Variants in ARK2N observed in about 807,000 individuals in gnomAD.
ARK2N encodes the protein arkadia (RNF111) N-terminal like PKA signaling regulator 2N, also known as protein ARK2N.
chr18:46,195,911 A>G, the ARK2N span, among the ~76,000 whole-genome samples: 1 of 151,492 alleles, frequency 6.6e-6, no homozygotes, highest in East Asian at 1.9e-4. Context: ...CCATTATACC[A>G]TTGTCATCTG....
chr18:46,228,795 G>T, the ARK2N span: 4 of 398,376 alleles, frequency 1.0e-5, no homozygotes, highest in African/African-American at 2.1e-5. Context: ...GGCCTCAGAC[G>T]CCTGGGCTTA....
At chr18:46,202,504 A>G in the ARK2N span, among the ~76,000 whole-genome samples, 1 of 152,168 alleles carries the variant, frequency 6.6e-6, no homozygotes, top group African/African-American at 2.4e-5. Context: ...GAAGGAAGAG[A>G]CTATATTTGT....
the ARK2N span, among the ~76,000 whole-genome samples, chr18:46,260,335 A>G: frequency 6.6e-6 from 1 of 152,178 alleles, no homozygotes; most frequent in African/African-American, 2.4e-5. Flanking sequence ...ATGTACAACT[A>G]TTAATAATTA....
chr18:46,210,947 G>A, the ARK2N span, among the ~76,000 whole-genome samples: 1 of 151,696 alleles, frequency 6.6e-6, no homozygotes, highest in East Asian at 1.9e-4. Context: ...TGGTGGATGG[G>A]AAAAGGACCT....
the ARK2N span, among the ~76,000 whole-genome samples, chr18:46,245,454 G>T: frequency 3.3e-5 from 5 of 151,480 alleles, no homozygotes; most frequent in Non-Finnish European, 5.9e-5. Flanking sequence ...TCCTGTAGTC[G>T]CAGCTACTTG....
the ARK2N span, among the ~76,000 whole-genome samples, chr18:46,245,553 A>C: frequency 6.7e-6 from 1 of 148,864 alleles, no homozygotes; most frequent in East Asian, 1.9e-4. Context: ...CCTGGGTGAC[A>C]GAGTGAGACT....
At chr18:46,193,032 G>A in the ARK2N span, among the ~76,000 whole-genome samples, 1 of 151,814 alleles carries the variant, frequency 6.6e-6, no homozygotes, top group African/African-American at 2.4e-5. Flanking sequence ...TGGGCATGGT[G>A]GCACGTTCCT....
chr18:46,198,811 T>C, the ARK2N span, among the ~76,000 whole-genome samples: 4 of 151,750 alleles, frequency 2.6e-5, no homozygotes, highest in Non-Finnish European at 4.4e-5. Context: ...GTTGGCCAGG[T>C]TGGTCTCGAA....
At chr18:46,258,610 G>C in the ARK2N span, among the ~76,000 whole-genome samples, 3 of 152,144 alleles carry the variant, frequency 2.0e-5, no homozygotes, top group Non-Finnish European at 4.4e-5. Flanking sequence ...AAAATGCAAA[G>C]TATGGCTCTA....
chr18:46,200,109 GC>G, the ARK2N span, among the ~76,000 whole-genome samples: 1 of 151,244 alleles, frequency 6.6e-6, no homozygotes, highest in Non-Finnish European at 1.5e-5. Flanking sequence ...CGTGCTGGGG[GC>G]AGAGGGTGTA....
the ARK2N span, among the ~76,000 whole-genome samples, chr18:46,214,059 G>T: frequency 6.6e-6 from 1 of 152,182 alleles, no homozygotes; most frequent in African/African-American, 2.4e-5. Context: ...CCATGAATGT[G>T]TTAAGGAAAC....
the ARK2N span, among the ~76,000 whole-genome samples, chr18:46,251,624 T>C: frequency 6.6e-6 from 1 of 152,216 alleles, no homozygotes; most frequent in Non-Finnish European, 1.5e-5. Flanking sequence ...CACAATCATA[T>C]TCAAACTTGA....
chr18:46,262,486 AT>A, the ARK2N span, among the ~76,000 whole-genome samples: 2 of 152,252 alleles, frequency 1.3e-5, no homozygotes, highest in Non-Finnish European at 2.9e-5. Flanking sequence ...CTTTGAAGGC[AT>A]TATTACCAAT....
chr18:46,200,783 A>AT, the ARK2N span, among the ~76,000 whole-genome samples: 333 of 149,220 alleles, frequency 2.2e-3, no homozygotes, highest in South Asian at 0.013. Flanking sequence ...TGATTACATC[A>AT]TTTTTTTTTT....
At chr18:46,243,605 G>A in the ARK2N span, among the ~76,000 whole-genome samples, 1 of 152,180 alleles carries the variant, frequency 6.6e-6, no homozygotes, top group Non-Finnish European at 1.5e-5. Context: ...CGAAATTAGA[G>A]AAGCTACTGA....
the ARK2N span, among the ~76,000 whole-genome samples, chr18:46,192,991 G>T: frequency 6.6e-6 from 1 of 151,660 alleles, no homozygotes; most frequent in Non-Finnish European, 1.5e-5. Flanking sequence ...TAGGTCAGAA[G>T]TTTGAGACCA....
At chr18:46,242,288 G>A in the ARK2N span, among the ~76,000 whole-genome samples, 2 of 152,124 alleles carry the variant, frequency 1.3e-5, no homozygotes, top group Non-Finnish European at 2.9e-5. Context: ...TTCATATGCA[G>A]AATTCTTAAT....
the ARK2N span, among the ~76,000 whole-genome samples, chr18:46,197,798 A>G: frequency 3.9e-4 from 60 of 152,334 alleles, no homozygotes; most frequent in African/African-American, 1.4e-3. Flanking sequence ...CATTTCTGAA[A>G]TCCAGGAGGA....
chr18:46,263,308 C>G, the ARK2N span: 6 of 502,482 alleles, frequency 1.2e-5, no homozygotes, highest in South Asian at 1.7e-4. Context: ...AAAATAACAT[C>G]ACAGAGAAAA....
Sources: gnomAD v4.1 joint callset for allele counts (sites outside exome capture counted in the v4.1 genomes callset) on GRCh38, gnomAD v4.1.1 for gene constraint, MANE v1.5 for transcripts, NCBI Gene and HGNC (gene_info 2026-07-23, HGNC 2026-07-21) for gene names.